Variants in WNT7B observed in about 807,000 individuals in gnomAD.
The protein encoded by WNT7B is protein Wnt-7b.
Under a neutral mutation model 38.2 loss-of-function variants are expected in WNT7B, and 19 were observed. That is an observed-to-expected ratio of 0.50 (90% CI 0.35 to 0.73). The LOEUF (loss-of-function observed/expected upper bound fraction) is 0.73. WNT7B is among the 30% of genes least tolerant of loss of function. WNT7B has a pLI of 0.01. For synonymous variants in WNT7B, 243 were observed against 209.3 expected, an observed-to-expected ratio of 1.16 and a Z score of -1.39; for missense variants, 423 against 507.9, an observed-to-expected ratio of 0.83 and a Z score of 1.61.
intron 1 of WNT7B, 122 bp from the exon 2 acceptor site, chr22:45,950,268 G>T: frequency 1.2e-6 from 1 of 826,484 alleles, no homozygotes; most frequent in Non-Finnish European, 2.0e-6. Flanking sequence ...GCCCACCAGG[G>T]CACAAGCAGA....
chr22:45,934,694 G>T lies in WNT7B; in HGVS notation c.299-3325C>A, dbSNP rs141120629. 1.7e-3 allele frequency among the ~76,000 whole-genome samples: 259 copies of T among 152,286 alleles called. 1 individual carries two copies. The highest frequency in any genetic ancestry group is 6.2e-3 in the African/African-American group (256 of 41,570). The stretch of plus-strand genomic sequence containing the variant: ...CCACAAGCCTCCCTTCCAGCCTCCC[G>T]CAAGCGCCTGCTCTCACCTGGCTAT... On this transcript the variant is annotated intron_variant, in intron 2 of 3. Coordinates refer to ENST00000339464, the MANE Select transcript of WNT7B (RefSeq NM_058238.3).
chr22:45,967,107 G>A (rs1932329009), intron 1 of WNT7B, among the ~76,000 whole-genome samples: 1 of 152,196 alleles, frequency 6.6e-6, no homozygotes, highest in Non-Finnish European at 1.5e-5. Context: ...GAGCGCACCT[G>A]TACCCACCCC....
At chr22:45,935,310 GCCCCCAAGGCCCCAGAGGCCTGA>G (rs1931488028) in intron 2 of WNT7B, among the ~76,000 whole-genome samples, 1 of 152,196 alleles carries the variant, frequency 6.6e-6, no homozygotes, top group African/African-American at 2.4e-5. Context: ...CCTTGGCCTG[GCCCCCAAGGCCCCAGAGGCCTGA>G]CCCCACCGCT....
rs1835519244 is a variant in WNT7B at position 45,975,165 on chromosome 22, G to T, written c.71+1519C>A. ...AATCCTTGAATCCGGGAGAGTAAAA[G>T]CACCTAACTACTCTAGGGGTGCCAG... On this transcript the variant is annotated intron_variant, in intron 1 of 3. Coordinates refer to ENST00000339464, the MANE Select transcript of WNT7B (RefSeq NM_058238.3). This position sits in a 1 kb window ranked among gnomAD's most constrained non-coding sequence, Gnocchi z 6.6. Among the ~76,000 whole-genome samples the T allele has an allele frequency of 6.6e-6, 1 of 152,122 alleles. No homozygotes were observed. The highest frequency in any genetic ancestry group is 2.1e-4 in the South Asian group (1 of 4,826).
At chr22:45,948,195 G>T (rs758230133) in intron 2 of WNT7B, among the ~76,000 whole-genome samples, 3 of 152,230 alleles carry the variant, frequency 2.0e-5, no homozygotes, top group Non-Finnish European at 4.4e-5. Context: ...CTCTGAGCCC[G>T]CCAGCTCAGC....
In WNT7B at chr22:45,976,719, C is replaced by T. The variant is rs774389678; in HGVS notation, c.36G>A (p.Val12=). The T allele has an allele frequency of 5.0e-5, 81 of 1,610,534 alleles. No individual in the cohort carries two copies. Among genetic ancestry groups the T allele is most frequent in the Admixed American group, 1.7e-4 (10 of 59,912 alleles). ...HRNFRKWIFY[V]FLCFGVLYVK... is the part of the protein sequence containing the mutation. ...CGTACAGGACGCCAAAGCAGAGAAA[C>T]ACGTAGAAAATCCACTTGCGAAAGT... The change falls in exon 1 of 4, where the codon GTG becomes GTA. Residue 12 remains valine (V), a synonymous_variant. Coordinates refer to ENST00000339464, the MANE Select transcript of WNT7B (RefSeq NM_058238.3). This position sits in a 1 kb window ranked among gnomAD's most constrained non-coding sequence, Gnocchi z 8.5.
At chr22:45,928,373 C>G (rs1220961897) in intron 3 of WNT7B, among the ~76,000 whole-genome samples, 1 of 152,228 alleles carries the variant, frequency 6.6e-6, no homozygotes, top group Non-Finnish European at 1.5e-5. Flanking sequence ...AGGGCTCAGA[C>G]CACGCTTGTG....
intron 3 of WNT7B, among the ~76,000 whole-genome samples, 193 bp from the exon 4 acceptor site, chr22:45,923,528 C>T (rs1022181786): frequency 8.5e-5 from 13 of 152,180 alleles, no homozygotes; most frequent in Non-Finnish European, 1.3e-4. Flanking sequence ...AATAGGTCTC[C>T]ACTGCATAGG....
intron 3 of WNT7B, among the ~76,000 whole-genome samples, chr22:45,923,925 G>A (rs1931002924): frequency 1.3e-5 from 2 of 152,208 alleles, no homozygotes; most frequent in African/African-American, 4.8e-5. Flanking sequence ...GCCCGGGCAT[G>A]CTGAGAAGCC....
chr22:45,963,971 G>T (rs1037812734), intron 1 of WNT7B, among the ~76,000 whole-genome samples: 3 of 152,000 alleles, frequency 2.0e-5, no homozygotes, highest in Admixed American at 2.0e-4. Context: ...AGCCTGGAGG[G>T]GAGCCCCCAG....
In WNT7B at chr22:45,931,344, G is replaced by C. The variant is rs375198790; in HGVS notation, c.324C>G (p.Tyr108Ter). The change falls in exon 3 of 4, where the codon TAC becomes TAG. Residue 108 changes from tyrosine to a stop codon, truncating the protein, a stop_gained. Coordinates refer to ENST00000339464, the MANE Select transcript of WNT7B (RefSeq NM_058238.3). LOFTEE classifies it high-confidence loss of function. ...GCGCCACGCCAGCCGCGGTGATGGC[G>C]TACGTGAAGGCAGCCTCACGGCTCC... ...RVGSREAAFT[Y>*]AITAAGVAHA... The C allele has an allele frequency of 6.3e-7, 1 of 1,592,984 alleles. No individual in the cohort carries two copies. The highest frequency in any genetic ancestry group is 8.5e-7 in the Non-Finnish European group (1 of 1,175,978).
In WNT7B at chr22:45,922,676, A is replaced by T; in HGVS notation, c.*180T>A. On this transcript the variant is annotated 3_prime_UTR_variant, in exon 4 of 4. Transcript: ENST00000339464. ...GTGATGGGAGGAGGTGGCAGGAAGGAGCCCCAGGGAGGCGGGCAGAGGGCG... is the reference window on the plus strand; with the variant it reads ...GTGATGGGAGGAGGTGGCAGGAAGGTGCCCCAGGGAGGCGGGCAGAGGGCG... The T allele has an allele frequency of 1.0e-6, 1 of 978,184 alleles. No individual in the cohort carries two copies. The highest frequency in any genetic ancestry group is 1.5e-6 in the Non-Finnish European group (1 of 686,034). 60.6% of individuals were successfully genotyped at this position (978,184 alleles called of 1,614,324 possible).
At chr22:45,947,444 T>G (rs912833510) in intron 2 of WNT7B, among the ~76,000 whole-genome samples, 1 of 152,216 alleles carries the variant, frequency 6.6e-6, no homozygotes, top group African/African-American at 2.4e-5. Flanking sequence ...AGGTTTCTGC[T>G]GAGACAACTG....
intron 1 of WNT7B, among the ~76,000 whole-genome samples, chr22:45,960,936 T>C (rs576917377): frequency 3.9e-5 from 6 of 152,280 alleles, no homozygotes; most frequent in Admixed American, 2.6e-4. Context: ...GGCCTCAGTG[T>C]TCCTGCCTGT....
chr22:45,937,276 C>T (rs1413863382), intron 2 of WNT7B, among the ~76,000 whole-genome samples: 2 of 152,256 alleles, frequency 1.3e-5, no homozygotes, highest in Non-Finnish European at 2.9e-5. Flanking sequence ...GGGGGCCACA[C>T]ATGCTCCTGG....
chr22:45,960,802 C>T (rs1426912481), intron 1 of WNT7B, among the ~76,000 whole-genome samples: 2 of 152,226 alleles, frequency 1.3e-5, no homozygotes, highest in East Asian at 1.9e-4. Context: ...GCCGAGTCCT[C>T]GCCAGCCTCT....
intron 2 of WNT7B, chr22:45,936,096 C>G (rs1931507987): frequency 1.0e-6 from 1 of 985,316 alleles, no homozygotes. Flanking sequence ...CCACAGCCCT[C>G]AAGAGCACTG....
intron 3 of WNT7B, chr22:45,926,237 G>C: frequency 1.0e-6 from 1 of 985,430 alleles, no homozygotes; most frequent in South Asian, 4.7e-5. Flanking sequence ...TCGAGCAACA[G>C]CAATGGTGGT....
At chr22:45,972,116 G>GGCCCCCCCCC in intron 1 of WNT7B, 48 of 530,734 alleles carry the variant, frequency 9.0e-5, no homozygotes, top group Non-Finnish European at 1.2e-4. Flanking sequence ...CCCGGGGGGA[G>GGCCCCCCCCC]CCCACCCGCC....
Sources: allele counts gnomAD v4.1 joint callset (sites outside exome capture counted in the v4.1 genomes callset), GRCh38; gene constraint gnomAD v4.1.1; non-coding constraint Gnocchi (gnomAD v3.1); transcripts MANE v1.5; gene names NCBI Gene and HGNC (gene_info 2026-07-23, HGNC 2026-07-21).